ETFA: variants seen among roughly 807,000 people sequenced by gnomAD.
ETFA encodes electron transfer flavoprotein subunit alpha, mitochondrial.
Under a neutral mutation model 46.2 loss-of-function variants are expected in ETFA, and 22 were observed. That is an observed-to-expected ratio of 0.48 (90% CI 0.34 to 0.68). The LOEUF (loss-of-function observed/expected upper bound fraction) is 0.68, where lower values mean the gene tolerates loss of function less well. ETFA is among the 30% of genes least tolerant of loss of function. ETFA has a pLI of 0.01. For missense variants in ETFA, 345 were observed against 401.1 expected (o/e 0.86, Z 1.19); for synonymous variants, 131 against 139.9 (o/e 0.94, Z 0.45).
intron 9 of ETFA, among the ~76,000 whole-genome samples, chr15:76,271,814 T>C (rs138892092): frequency 2.8e-3 from 429 of 152,266 alleles, no homozygotes; most frequent in Non-Finnish European, 4.9e-3. Context: ...ATTTGAGATA[T>C]AGTTTCCAAA....
intron 2 of ETFA, 100 bp from the exon 3 acceptor site, chr15:76,292,800 A>T: frequency 5.8e-6 from 5 of 865,602 alleles, no homozygotes; most frequent in South Asian, 5.4e-5. Flanking sequence ...TTAATGGCCA[A>T]CTGTAAAAAT....
At chr15:76,308,061 G>A (rs1017503113) in intron 1 of ETFA, among the ~76,000 whole-genome samples, 1 of 151,982 alleles carries the variant, frequency 6.6e-6, no homozygotes, top group Non-Finnish European at 1.5e-5. Flanking sequence ...ACAAACATGA[G>A]ACAACTTCAG....
intron 8 of ETFA, among the ~76,000 whole-genome samples, chr15:76,280,845 G>A (rs555276339): frequency 6.6e-6 from 1 of 151,458 alleles, no homozygotes; most frequent in South Asian, 2.1e-4. Context: ...TAGTTGCTCT[G>A]GTCTGGAACA....
intron 9 of ETFA, among the ~76,000 whole-genome samples, chr15:76,269,392 C>T (rs754158902): frequency 6.6e-6 from 1 of 152,194 alleles, no homozygotes; most frequent in Non-Finnish European, 1.5e-5. Flanking sequence ...TCTAGCACAC[C>T]CATTATCTCA....
intron 9 of ETFA, among the ~76,000 whole-genome samples, chr15:76,273,889 G>A (rs1425826912): frequency 6.6e-6 from 1 of 152,146 alleles, no homozygotes; most frequent in Non-Finnish European, 1.5e-5. Context: ...AGGCTTAACT[G>A]AAGAATATTC....
chr15:76,302,730 G>C (rs139782865), intron 1 of ETFA, among the ~76,000 whole-genome samples: 244 of 152,306 alleles, frequency 1.6e-3, no homozygotes, highest in Non-Finnish European at 2.1e-3. Context: ...GGACAACTCT[G>C]GTGCTGTATG....
rs1482202596 is a variant in ETFA, at chr15:76,304,689, A to C, written c.39+6661T>G. Reference sequence around the variant, plus strand: ...AAAAAAAAAAAAAAAATTGGGGGAAAAAATACAGCAATGATAAATGATTTT... The same window carrying C: ...AAAAAAAAAAAAAAAATTGGGGGAACAAATACAGCAATGATAAATGATTTT... On this transcript the variant is annotated intron_variant, in intron 1 of 11. Coordinates refer to ENST00000557943, the MANE Select transcript of ETFA (RefSeq NM_000126.4). Among the ~76,000 whole-genome samples, 3 of 151,276 alleles carry C rather than the reference A, an allele frequency of 2.0e-5. No individual in the cohort carries two copies. In the East Asian group the frequency reaches 5.8e-4, roughly 29 times the overall value.
At chr15:76,246,843 AAAG>A (rs904404894) in intron 9 of ETFA, among the ~76,000 whole-genome samples, 1 of 152,090 alleles carries the variant, frequency 6.6e-6, no homozygotes, top group African/African-American at 2.4e-5. Flanking sequence ...CAAAAAAAAA[AAAG>A]AAAAGAAAAT....
rs34111559 is a variant in ETFA, at chr15:76,310,369, G to GAAAAAAAAAAAAAAAAAAAAAAAAAAAA, written c.39+980_39+981insTTTTTTTTTTTTTTTTTTTTTTTTTTTT. Among the ~76,000 whole-genome samples, 4 of 104,462 alleles carry GAAAAAAAAAAAAAAAAAAAAAAAAAAAA rather than the reference G, an allele frequency of 3.8e-5. 1 individual carries two copies. Among genetic ancestry groups the GAAAAAAAAAAAAAAAAAAAAAAAAAAAA allele is most frequent in the African/African-American group, 1.5e-4 (4 of 26,916 alleles). 68.5% of individuals were successfully genotyped at this position (104,462 alleles called of 152,430 possible). On this transcript the variant is annotated intron_variant, in intron 1 of 11. Coordinates refer to ENST00000557943, the MANE Select transcript of ETFA (RefSeq NM_000126.4). ...GTGGATGGGAAAATATCCATGCCCA[G>GAAAAAAAAAAAAAAAAAAAAAAAAAAAA]AAAAAAAAAAAAAAAAAAAAAAAGG...
chr15:76,246,499 C>T (rs1282883488), intron 9 of ETFA, among the ~76,000 whole-genome samples: 1 of 152,178 alleles, frequency 6.6e-6, no homozygotes, highest in Non-Finnish European at 1.5e-5. Context: ...TGTTTATCCT[C>T]ACCACTTCCG....
At chr15:76,258,377 C>T (rs548208341) in intron 9 of ETFA, among the ~76,000 whole-genome samples, 12 of 152,112 alleles carry the variant, frequency 7.9e-5, no homozygotes, top group South Asian at 6.2e-4. Context: ...TTGTGTGACC[C>T]GGTCAGCTGC....
In ETFA at chr15:76,216,557, A is replaced by T. The variant is rs1567192731; in HGVS notation, c.*2T>A. On this transcript the variant is annotated 3_prime_UTR_variant, in exon 12 of 12. Coordinates refer to ENST00000557943, the MANE Select transcript of ETFA (RefSeq NM_000126.4). ...GTTTTCTTTTTAAGGCATGATCCTG[A>T]TTCATTTTTTCTTCAATATCTCAGT... The T allele has an allele frequency of 6.4e-7, 1 of 1,568,384 alleles. No homozygotes were observed. The highest frequency in any genetic ancestry group is 1.3e-5 in the African/African-American group (1 of 74,182).
intron 9 of ETFA, among the ~76,000 whole-genome samples, chr15:76,233,470 C>T (rs1596192151): frequency 6.6e-6 from 1 of 151,776 alleles, no homozygotes; most frequent in African/African-American, 2.4e-5. Context: ...GCTGGGACTA[C>T]AGGTGTATGC....
At chr15:76,249,499 T>A (rs1340882126) in intron 9 of ETFA, among the ~76,000 whole-genome samples, 1 of 142,138 alleles carries the variant, frequency 7.0e-6, no homozygotes, top group African/African-American at 2.7e-5. Context: ...TGGAGTGCAG[T>A]GGCGCGATCT....
In ETFA at chr15:76,242,383, A is replaced by G. The variant is rs550038776; in HGVS notation, c.817-10985T>C. ...CTGCCTCCTTTCCCAAATCACTAAG[A>G]GCTGGCCATTGCTTACACATAGCTT... On this transcript the variant is annotated intron_variant, in intron 9 of 11. Coordinates refer to ENST00000557943, the MANE Select transcript of ETFA (RefSeq NM_000126.4). Among the ~76,000 whole-genome samples the G allele has an allele frequency of 1.6e-4, 24 of 152,298 alleles. 1 individual carries two copies. The South Asian group carries it at 5.0e-3, about 32-fold the overall frequency.
At chr15:76,273,442 G>C (rs868665714) in intron 9 of ETFA, among the ~76,000 whole-genome samples, 2 of 151,982 alleles carry the variant, frequency 1.3e-5, no homozygotes, top group Non-Finnish European at 2.9e-5. Context: ...TGTAATCCCA[G>C]CCACTTGGGA....
chr15:76,231,265 A>G, intron 10 of ETFA, 68 bp downstream of exon 10: 1 of 948,144 alleles, frequency 1.1e-6, no homozygotes, highest in South Asian at 1.3e-5. Flanking sequence ...CTACATGGAA[A>G]CATACAAGGT....
At chr15:76,257,945 C>T (rs2039362039) in intron 9 of ETFA, among the ~76,000 whole-genome samples, 1 of 144,300 alleles carries the variant, frequency 6.9e-6, no homozygotes, top group South Asian at 2.2e-4. Flanking sequence ...CGCATGTTCT[C>T]ACTCATAGGT....
rs985363376 is a variant in ETFA, at chr15:76,258,184, A to AT, written c.816+16227dup. The stretch of plus-strand genomic sequence containing the variant: ...TTAAAGTATAATAATAAATAAATAA[A>AT]TAAATAAAGATATTTTGAAATTTGG... On this transcript the variant is annotated intron_variant, in intron 9 of 11. Transcript: ENST00000557943. Among the ~76,000 whole-genome samples the AT allele has an allele frequency of 2.0e-5, 3 of 151,924 alleles. No homozygotes were observed. The East Asian group carries it at 5.8e-4, about 29-fold the overall frequency.
Sources: allele counts gnomAD v4.1 joint callset (sites outside exome capture counted in the v4.1 genomes callset), GRCh38; gene constraint gnomAD v4.1.1; transcripts MANE v1.5; gene names NCBI Gene and HGNC (gene_info 2026-07-23, HGNC 2026-07-21).